The following FRY variants were observed in gnomAD, a reference collection of about 807,000 sequenced individuals.
FRY encodes the protein FRY microtubule binding protein.
In FRY, 128 loss-of-function variants were observed where a neutral mutation model predicts 348.4. That is an observed-to-expected ratio of 0.37 (90% confidence interval 0.32 to 0.43). The LOEUF (loss-of-function observed/expected upper bound fraction) is 0.43. Among genes scored for constraint, FRY ranks in the 20% least tolerant of loss-of-function variants. FRY has a pLI of 1.00. For synonymous variants in FRY, 1,370 were observed against 1,374.7 expected, an observed-to-expected ratio of 1.00 and a Z score of 0.08; for missense variants, 2,736 against 3,695.2, an observed-to-expected ratio of 0.74 and a Z score of 6.73.
At chr13:32,145,524 TTG>T (rs1880351596) in intron 11 of FRY, among the ~76,000 whole-genome samples, 2 of 121,654 alleles carry the variant, frequency 1.6e-5, no homozygotes, top group Non-Finnish European at 3.6e-5. Context: ...TCTGACTGAT[TTG>T]TTTTTTTTTT....
At chr13:32,164,574 G>A (rs1425536056) in intron 17 of FRY, among the ~76,000 whole-genome samples, 1 of 152,158 alleles carries the variant, frequency 6.6e-6, no homozygotes, top group Non-Finnish European at 1.5e-5. Context: ...CCTTCTTCAA[G>A]CTACTAGATT....
chr13:32,239,852 A>T lies in FRY; in HGVS notation c.6658A>T (p.Thr2220Ser). ...CCTTCATGAAGCATATGCTGACATT[A>T]CCTTGAATATGGTTACCTACCTGGC... Reference protein sequence around the residue: ...RYLHEAYADITLNMVTYLAEL... With the variant: ...RYLHEAYADISLNMVTYLAEL... Residue 2220 changes from threonine to serine, a missense_variant, in exon 46 of 61, where the codon ACC becomes TCC. Coordinates refer to ENST00000542859, the MANE Select transcript of FRY (RefSeq NM_023037.3). This position sits in a 1 kb window ranked among gnomAD's most constrained non-coding sequence, Gnocchi z 4.3. 1 of 1,613,732 alleles carries T rather than the reference A, an allele frequency of 6.2e-7. No homozygotes were observed. The highest frequency in any genetic ancestry group is 1.1e-5 in the South Asian group (1 of 91,044).
chr13:32,079,951 A>G (rs919387070), intron 2 of FRY, among the ~76,000 whole-genome samples: 1 of 152,230 alleles, frequency 6.6e-6, no homozygotes, highest in Non-Finnish European at 1.5e-5. Context: ...AATATTCTTA[A>G]GCCTGTAATA....
intron 57 of FRY, 60 bp downstream of exon 57, chr13:32,276,622 C>G: frequency 1.2e-6 from 1 of 869,056 alleles, no homozygotes; most frequent in Non-Finnish European, 2.0e-6. Context: ...CCCAACCACT[C>G]TGAGTTCTTG....
At position 32,296,658 on chromosome 13, in the gene FRY, TTTCTGG is replaced by T. The variant is rs2138671132; in HGVS notation, c.*1201_*1206del. 6.6e-6 allele frequency: 1 copy of T among 152,050 alleles called. No individual in the cohort carries two copies. Among genetic ancestry groups the T allele is most frequent in the East Asian group, 1.9e-4 (1 of 5,178 alleles). 9.4% of individuals were successfully genotyped at this position (152,050 alleles called of 1,614,324 possible). A position where few individuals can be genotyped will look rare whatever the true frequency, so the allele number is the denominator to read the frequency against. ...AAATACACGTTGACCATGGACTTTA[TTTCTGG>T]TTAATGAAAATGTTTGTCCTGGGCA... On this transcript the variant is annotated 3_prime_UTR_variant, in exon 61 of 61. Transcript: ENST00000542859.
intron 1 of FRY, among the ~76,000 whole-genome samples, chr13:32,053,626 G>A (rs1873459714): frequency 6.6e-6 from 1 of 152,182 alleles, no homozygotes; most frequent in South Asian, 2.1e-4. Context: ...TCCATACTTG[G>A]CCTCATTTAA....
At chr13:32,276,719 G>C (rs1372646775) in intron 57 of FRY, 157 bp downstream of exon 57, 1 of 651,220 alleles carries the variant, frequency 1.5e-6, no homozygotes, top group Non-Finnish European at 2.8e-6. Context: ...TGGTAGAACT[G>C]TATACAATAT....
At position 32,061,225 on chromosome 13, in the gene FRY, G is replaced by T. The variant is rs923674374; in HGVS notation, c.71-17609G>T. The T allele has an allele frequency of 2.9e-5, 15 of 519,118 alleles. No individual in the cohort carries two copies. In the African/African-American group the frequency reaches 2.9e-4, roughly 10 times the overall value. 32.2% of individuals were successfully genotyped at this position (519,118 alleles called of 1,614,324 possible). ...TAACTGGTTGTTAAATGCTGAGTAT[G>T]GGAGGACTCTTCTAAAGGTTTCAGC... On this transcript the variant is annotated intron_variant, in intron 1 of 60. Transcript: ENST00000542859.
chr13:32,242,843 A>G (rs150104730), intron 46 of FRY, among the ~76,000 whole-genome samples: 8 of 152,100 alleles, frequency 5.3e-5, no homozygotes, highest in Non-Finnish European at 8.8e-5. Context: ...CTCTTTCCTC[A>G]TGTTTTAACC....
At chr13:32,252,062 A>G (rs1370670690) in intron 50 of FRY, 110 bp downstream of exon 50, 3 of 793,842 alleles carry the variant, frequency 3.8e-6, no homozygotes, top group African/African-American at 3.4e-5. Context: ...AATGACAAGT[A>G]TGATAGCCAC....
At chr13:32,281,398 C>T (rs1305354962) in intron 58 of FRY, among the ~76,000 whole-genome samples, 1 of 152,142 alleles carries the variant, frequency 6.6e-6, no homozygotes, top group Non-Finnish European at 1.5e-5. Context: ...CATGGGAAAA[C>T]ACTCAAGAAT....
At chr13:32,124,539 A>G (rs1241196532) in intron 5 of FRY, 63 bp from the exon 6 acceptor site, 1 of 967,294 alleles carries the variant, frequency 1.0e-6, no homozygotes, top group Non-Finnish European at 1.7e-6. Context: ...AGTTATTGGA[A>G]GTACTGTACC....
intron 55 of FRY, 67 bp downstream of exon 55, chr13:32,267,426 A>AGG: frequency 7.3e-7 from 1 of 1,366,676 alleles, no homozygotes. Flanking sequence ...TTTGAATTTA[A>AGG]GGAGAGGTTG....
At position 32,171,233 on chromosome 13, in the gene FRY, A is replaced by C. The variant is rs1181176316; in HGVS notation, c.2114A>C (p.Lys705Thr). 2 of 1,613,788 alleles carry C rather than the reference A, an allele frequency of 1.2e-6. No homozygotes were observed. Among genetic ancestry groups the C allele is most frequent in the South Asian group, 2.2e-5 (2 of 91,060 alleles). The change falls in exon 18 of 61, where the codon AAA becomes ACA. Residue 705 changes from lysine to threonine, a missense_variant. Lys to Thr is a moderately conservative substitution (Grantham distance 78). Around this residue, in one of 9 missense-constraint regions of FRY, gnomAD observed 449 missense variants for 576.9 expected, o/e 0.78. Coordinates refer to ENST00000542859, the MANE Select transcript of FRY (RefSeq NM_023037.3). ...QWKLVIQTQG[K>T]VYEQANKIRN... The stretch of plus-strand genomic sequence containing the variant: ...AAACTAGTCATCCAGACACAAGGAA[A>C]AGTCTATGAACAAGCCAACAAAATC...
In FRY at chr13:32,145,531, T is replaced by G. The variant is rs971731668; in HGVS notation, c.1180-1751T>G. ...CTCCCCTCTCTGACTGATTTGTTTT[T>G]TTTTTTTTTTTTTTTTTTTTTTTTG... On this transcript the variant is annotated intron_variant, in intron 11 of 60. Transcript: ENST00000542859. Among the ~76,000 whole-genome samples, 8 of 79,014 alleles carry G rather than the reference T, an allele frequency of 1.0e-4. 1 individual carries two copies. The highest frequency in any genetic ancestry group is 2.4e-4 in the Admixed American group (2 of 8,382). The allele number at this position is 79,014 out of a possible 152,430, so 51.8% of individuals were successfully genotyped here.
At chr13:32,096,802 CAAAAAAAA>C (rs10680393) in intron 2 of FRY, among the ~76,000 whole-genome samples, 12 of 77,604 alleles carry the variant, frequency 1.5e-4, no homozygotes, top group Admixed American at 3.5e-4. Context: ...GACTCTGTCT[CAAAAAAAA>C]AAAAAAAAAA....
At chr13:32,072,806 T>C (rs1208847536) in intron 1 of FRY, among the ~76,000 whole-genome samples, 1 of 152,218 alleles carries the variant, frequency 6.6e-6, no homozygotes, top group Non-Finnish European at 1.5e-5. Context: ...TAACAGGGTT[T>C]GCCTTCAGAA....
chr13:32,038,342 T>C (rs945164254), intron 1 of FRY: 1 of 152,234 alleles, frequency 6.6e-6, no homozygotes, highest in African/African-American at 2.4e-5. Flanking sequence ...CAAAAACATA[T>C]GTATTACGAT....
chr13:32,254,111 A>G, intron 50 of FRY, 113 bp from the exon 51 acceptor site: 1 of 937,204 alleles, frequency 1.1e-6, no homozygotes, highest in Non-Finnish European at 1.8e-6. Flanking sequence ...TACCCACTGA[A>G]GGAATTAGGT....
Sources: allele counts gnomAD v4.1 joint callset (sites outside exome capture counted in the v4.1 genomes callset), GRCh38; gene constraint gnomAD v4.1.1; regional missense constraint gnomAD v4.1.1; non-coding constraint Gnocchi (gnomAD v3.1); transcripts MANE v1.5; gene names NCBI Gene and HGNC (gene_info 2026-07-23, HGNC 2026-07-21).